Variants in LHFPL3 observed in about 807,000 individuals in gnomAD.
The protein encoded by LHFPL3 is LHFPL tetraspan subfamily member 3, also known as LHFPL tetraspan subfamily member 3 protein.
Under a neutral mutation model 19.3 loss-of-function variants are expected in LHFPL3, and 5 were observed. That is an observed-to-expected ratio of 0.26 (90% CI 0.14 to 0.54). The LOEUF is 0.54. Ranked by LOEUF, LHFPL3 falls within the 20% of genes least tolerant of loss-of-function variation. The pLI, the probability that LHFPL3 is intolerant of heterozygous loss-of-function variation, is 0.94. For missense variants in LHFPL3, 249 were observed against 307.4 expected (o/e 0.81, Z 1.42); for synonymous variants, 133 against 126.2 (o/e 1.05, Z -0.36).
At chr7:104,831,189 A>G (rs543865939) in intron 2 of LHFPL3, among the ~76,000 whole-genome samples, 4 of 150,070 alleles carry the variant, frequency 2.7e-5, no homozygotes, top group South Asian at 4.3e-4. Flanking sequence ...AACTGTCTTA[A>G]TCAAAATAGT....
At chr7:104,728,807 T>A (rs763494894) in intron 1 of LHFPL3, among the ~76,000 whole-genome samples, 3 of 152,188 alleles carry the variant, frequency 2.0e-5, no homozygotes, top group Admixed American at 6.6e-5. Flanking sequence ...CTGGTCACTG[T>A]ATCCCTAGCA....
At chr7:104,893,044 G>GA (rs954348464) in intron 2 of LHFPL3, among the ~76,000 whole-genome samples, 27 of 150,142 alleles carry the variant, frequency 1.8e-4, no homozygotes, top group African/African-American at 4.9e-4. Context: ...TATCTCTACA[G>GA]AAAAAAAAAT....
chr7:104,445,366 C>T (rs561612309), intron 1 of LHFPL3, among the ~76,000 whole-genome samples: 1 of 152,150 alleles, frequency 6.6e-6, no homozygotes, highest in Admixed American at 6.5e-5. Flanking sequence ...CTACTTGTAT[C>T]CTTGGGCAAG....
intron 1 of LHFPL3, among the ~76,000 whole-genome samples, chr7:104,615,183 T>C (rs1294493923): frequency 6.6e-6 from 1 of 152,226 alleles, no homozygotes; most frequent in Non-Finnish European, 1.5e-5. Context: ...ATATGTTTTC[T>C]CTAATACGTG....
intron 1 of LHFPL3, among the ~76,000 whole-genome samples, chr7:104,430,973 A>T (rs911501496): frequency 2.0e-5 from 3 of 152,160 alleles, no homozygotes; most frequent in South Asian, 4.1e-4. Flanking sequence ...AGACCAGATG[A>T]TAAATAAATA....
At chr7:104,582,207 A>G (rs1790474089) in intron 1 of LHFPL3, among the ~76,000 whole-genome samples, 1 of 151,600 alleles carries the variant, frequency 6.6e-6, no homozygotes, top group Admixed American at 6.6e-5. Context: ...TTCCTTTTTA[A>G]TATGTTTGTT....
chr7:104,669,023 G>A (rs1032551178), intron 1 of LHFPL3: 10 of 1,611,942 alleles, frequency 6.2e-6, no homozygotes, highest in African/African-American at 1.3e-5. Flanking sequence ...TCACAGACTG[G>A]GACCTCCACC....
intron 1 of LHFPL3, among the ~76,000 whole-genome samples, chr7:104,566,642 C>T (rs1790131085): frequency 6.6e-6 from 1 of 152,170 alleles, no homozygotes; most frequent in Non-Finnish European, 1.5e-5. Flanking sequence ...AGTCAGTTGA[C>T]ACCCCTAGGC....
chr7:104,633,588 G>T lies in LHFPL3; in HGVS notation c.446-103087G>T, dbSNP rs1178512300. 2.6e-5 allele frequency among the ~76,000 whole-genome samples: 4 copies of T among 152,174 alleles called. No homozygotes were observed. The East Asian group carries it at 7.7e-4, about 29-fold the overall frequency. ...CACCTCGGCTTGCCATTCTTGTACA[G>T]CTTCCTTCCTAAAATGATATCAGAT... On this transcript the variant is annotated intron_variant, in intron 1 of 2. Transcript: ENST00000424859.
intron 1 of LHFPL3, among the ~76,000 whole-genome samples, chr7:104,398,986 G>A (rs1791254395): frequency 6.6e-6 from 1 of 152,176 alleles, no homozygotes; most frequent in Non-Finnish European, 1.5e-5. Context: ...TTCTGTTGGT[G>A]TTGATATCCC....
chr7:104,515,089 T>A (rs576212349), intron 1 of LHFPL3, among the ~76,000 whole-genome samples: 1 of 152,312 alleles, frequency 6.6e-6, no homozygotes, highest in East Asian at 1.9e-4. Flanking sequence ...AGATGTGGCC[T>A]GCTGGCATCC....
chr7:104,700,144 T>C (rs558404950), intron 1 of LHFPL3, among the ~76,000 whole-genome samples: 1 of 152,320 alleles, frequency 6.6e-6, no homozygotes, highest in Admixed American at 6.5e-5. Context: ...CCATGCAGAA[T>C]CTACAGGCTG....
intron 1 of LHFPL3, among the ~76,000 whole-genome samples, chr7:104,624,404 G>T (rs183430382): frequency 2.0e-5 from 3 of 152,290 alleles, no homozygotes; most frequent in Admixed American, 1.3e-4. Flanking sequence ...AGTTCTTCTA[G>T]TAGTTTGCCA....
At chr7:104,596,154 G>C (rs1790853601) in intron 1 of LHFPL3, among the ~76,000 whole-genome samples, 1 of 152,226 alleles carries the variant, frequency 6.6e-6, no homozygotes, top group Non-Finnish European at 1.5e-5. Context: ...ATCACACTGG[G>C]AGCTACAGAC....
intron 1 of LHFPL3, among the ~76,000 whole-genome samples, chr7:104,637,610 T>C (rs188613870): frequency 8.5e-5 from 13 of 152,332 alleles, no homozygotes; most frequent in Middle Eastern, 3.4e-3. Flanking sequence ...ACTAGCCAGT[T>C]ATCCCAGCAC....
chr7:104,353,312 C>A (rs1384909710), intron 1 of LHFPL3, among the ~76,000 whole-genome samples: 2 of 152,136 alleles, frequency 1.3e-5, no homozygotes, highest in Non-Finnish European at 1.5e-5. Flanking sequence ...TTAGGGTACA[C>A]CATGTTGCTG....
chr7:104,707,818 A>C (rs1793220677), intron 1 of LHFPL3, among the ~76,000 whole-genome samples: 1 of 152,244 alleles, frequency 6.6e-6, no homozygotes, highest in Non-Finnish European at 1.5e-5. Context: ...GATGCATTAG[A>C]GGAGAAGAGA....
intron 1 of LHFPL3, among the ~76,000 whole-genome samples, chr7:104,729,224 G>T (rs1269765179): frequency 2.6e-5 from 4 of 152,112 alleles, no homozygotes; most frequent in South Asian, 2.1e-4. Flanking sequence ...ATAATTTCAA[G>T]AAACTTTTTT....
At chr7:104,444,302 T>G (rs1320186599) in intron 1 of LHFPL3, among the ~76,000 whole-genome samples, 3 of 151,050 alleles carry the variant, frequency 2.0e-5, no homozygotes, top group South Asian at 2.1e-4. Context: ...GCATTGGGGG[T>G]TTTTTTGGCG....
Sources: allele counts gnomAD v4.1 joint callset (sites outside exome capture counted in the v4.1 genomes callset), GRCh38; gene constraint gnomAD v4.1.1; transcripts MANE v1.5; gene names NCBI Gene and HGNC (gene_info 2026-07-23, HGNC 2026-07-21).